CAPZB: variants seen among roughly 807,000 people sequenced by gnomAD.
CAPZB encodes the protein F-actin-capping protein subunit beta.
A neutral mutation model predicts 38.1 loss-of-function variants in CAPZB; 2 were observed. The ratio of observed to expected loss-of-function variants is 0.05; its 90% confidence interval spans 0.02 to 0.17. The LOEUF is 0.17. Among genes scored for constraint, CAPZB ranks in the 10% least tolerant of loss-of-function variants. CAPZB has a pLI of 1.00. For synonymous variants in CAPZB, 107 were observed against 127.4 expected (o/e 0.84, Z 1.08); for missense variants, 161 against 334.2 (o/e 0.48, Z 4.04).
intron 1 of CAPZB, among the ~76,000 whole-genome samples, chr1:19,481,236 G>GA (rs1394352349): frequency 6.6e-6 from 1 of 152,172 alleles, no homozygotes; most frequent in Non-Finnish European, 1.5e-5. Flanking sequence ...ACTGAAACAT[G>GA]AATCTGTGAA....
chr1:19,483,578 A>G (rs1371423884), intron 1 of CAPZB, among the ~76,000 whole-genome samples: 15 of 152,234 alleles, frequency 9.9e-5, no homozygotes, highest in Non-Finnish European at 2.2e-4. Flanking sequence ...TTCAGGTGTC[A>G]TGTGCTCCTC....
chr1:19,433,214 G>C (rs1479656313), intron 1 of CAPZB, among the ~76,000 whole-genome samples: 1 of 152,154 alleles, frequency 6.6e-6, no homozygotes, highest in East Asian at 1.9e-4. Flanking sequence ...CATAATTATG[G>C]GCAATCCTGA....
intron 2 of CAPZB, among the ~76,000 whole-genome samples, chr1:19,403,331 G>T (rs987424353): frequency 2.2e-4 from 33 of 152,236 alleles, no homozygotes; most frequent in African/African-American, 8.0e-4. Context: ...CAAGAGACAG[G>T]AGAAGCAAGG....
intron 1 of CAPZB, among the ~76,000 whole-genome samples, chr1:19,470,766 AT>A (rs1241207587): frequency 6.6e-6 from 1 of 152,224 alleles, no homozygotes; most frequent in African/African-American, 2.4e-5. Context: ...GGCAATTTAT[AT>A]AAAGTCTAAA....
intron 1 of CAPZB, among the ~76,000 whole-genome samples, chr1:19,483,548 G>A (rs1386306040): frequency 1.3e-5 from 2 of 152,252 alleles, no homozygotes; most frequent in Admixed American, 6.5e-5. Flanking sequence ...TGAGAGCTGA[G>A]TACAAGACTC....
chr1:19,391,921 G>A (rs570955644), intron 2 of CAPZB, among the ~76,000 whole-genome samples: 2 of 152,218 alleles, frequency 1.3e-5, no homozygotes, highest in South Asian at 2.1e-4. Flanking sequence ...GGTGGCTCAC[G>A]CCTGTAACCA....
chr1:19,393,291 C>T (rs899503071), intron 2 of CAPZB, among the ~76,000 whole-genome samples: 3 of 152,326 alleles, frequency 2.0e-5, no homozygotes, highest in African/African-American at 7.2e-5. Flanking sequence ...TGTTTTTGGA[C>T]GGGAAGCAGC....
At chr1:19,480,460 C>T (rs1472360039) in intron 1 of CAPZB, among the ~76,000 whole-genome samples, 1 of 152,240 alleles carries the variant, frequency 6.6e-6, no homozygotes, top group African/African-American at 2.4e-5. Flanking sequence ...AGACCATGTT[C>T]TGTGGAGCAG....
intron 1 of CAPZB, chr1:19,449,413 C>T (rs983439641): frequency 1.2e-6 from 1 of 826,294 alleles, no homozygotes; most frequent in African/African-American, 1.8e-5. Context: ...AGGAAAGAAC[C>T]AGCAGGTCTC....
At chr1:19,485,405 C>G in intron 1 of CAPZB, 31 bp downstream of exon 1, 1 of 1,226,932 alleles carries the variant, frequency 8.2e-7, no homozygotes, top group Non-Finnish European at 1.0e-6. Flanking sequence ...GAGGGGCCCC[C>G]GGGCCGGGGA....
intron 1 of CAPZB, among the ~76,000 whole-genome samples, chr1:19,434,139 T>C (rs2094450626): frequency 6.6e-6 from 1 of 152,222 alleles, no homozygotes; most frequent in African/African-American, 2.4e-5. Context: ...ATGACATCCT[T>C]TGGGCTTCGA....
chr1:19,445,003 A>G (rs1570289105), intron 1 of CAPZB, among the ~76,000 whole-genome samples: 2 of 152,270 alleles, frequency 1.3e-5, no homozygotes, highest in South Asian at 4.1e-4. Flanking sequence ...TCGGCCTCCC[A>G]AAGTGCTGGG....
chr1:19,354,292 C>T (rs1354162500), intron 6 of CAPZB, among the ~76,000 whole-genome samples: 1 of 152,190 alleles, frequency 6.6e-6, no homozygotes, highest in Non-Finnish European at 1.5e-5. Context: ...CAGAACCCTT[C>T]GCCTCCCATC....
chr1:19,392,016 A>T (rs915359731), intron 2 of CAPZB, among the ~76,000 whole-genome samples: 1 of 152,128 alleles, frequency 6.6e-6, no homozygotes, highest in African/African-American at 2.4e-5. Flanking sequence ...CCCCATCTCT[A>T]CTAAAAATAT....
chr1:19,468,084 C>T (rs936012168), intron 1 of CAPZB, among the ~76,000 whole-genome samples: 1 of 152,118 alleles, frequency 6.6e-6, no homozygotes, highest in Admixed American at 6.5e-5. Context: ...GCCTGGGTGA[C>T]AGAGTGAGAC....
chr1:19,485,224 G>T (rs974483300), intron 1 of CAPZB, among the ~76,000 whole-genome samples: 4 of 152,124 alleles, frequency 2.6e-5, no homozygotes, highest in Admixed American at 2.6e-4. Context: ...AAGGGCGGGG[G>T]CTGGGAGCGG....
At chr1:19,385,729 T>G (rs775479259) in intron 2 of CAPZB, 103 bp from the exon 3 acceptor site, 1 of 1,422,900 alleles carries the variant, frequency 7.0e-7, no homozygotes, top group South Asian at 1.2e-5. Flanking sequence ...ACCTTTAACA[T>G]CTGGCCCTGG....
At chr1:19,339,838 G>T (rs1410226284) in intron 8 of CAPZB, among the ~76,000 whole-genome samples, 1 of 152,220 alleles carries the variant, frequency 6.6e-6, no homozygotes, top group Non-Finnish European at 1.5e-5. Context: ...GCCCTGTGGG[G>T]GTGGCATATG....
intron 1 of CAPZB, among the ~76,000 whole-genome samples, chr1:19,446,945 T>C (rs925636063): frequency 1.2e-4 from 19 of 152,336 alleles, no homozygotes; most frequent in Admixed American, 1.0e-3. Context: ...AACTGGATTT[T>C]GTCAATTTTA....
Sources: gnomAD v4.1 joint callset for allele counts (sites outside exome capture counted in the v4.1 genomes callset) on GRCh38, gnomAD v4.1.1 for gene constraint, MANE v1.5 for transcripts, NCBI Gene and HGNC (gene_info 2026-07-23, HGNC 2026-07-21) for gene names.